The following PDE1A variants were observed in gnomAD, a reference collection of about 807,000 sequenced individuals.
PDE1A encodes dual specificity calcium/calmodulin-dependent 3',5'-cyclic nucleotide phosphodiesterase 1A.
PDE1A carries 35 observed loss-of-function variants against 61.7 expected under a neutral mutation model. That is an observed-to-expected ratio of 0.57 (90% CI 0.43 to 0.75). PDE1A has a LOEUF of 0.75. Ranked by LOEUF, PDE1A falls within the 30% of genes least tolerant of loss-of-function variation. The pLI is 0.00. For missense variants in PDE1A, 597 were observed against 630.6 expected (o/e 0.95, Z 0.57); for synonymous variants, 232 against 213.2 (o/e 1.09, Z -0.77).
intron 2 of PDE1A, among the ~76,000 whole-genome samples, chr2:182,259,238 T>C (rs888732532): frequency 6.6e-6 from 1 of 152,212 alleles, no homozygotes; most frequent in South Asian, 2.1e-4. Flanking sequence ...CTGATGTTTT[T>C]ACAGAGATAA....
chr2:182,529,426 A>C, the PDE1A span, among the ~76,000 whole-genome samples: 1 of 152,184 alleles, frequency 6.6e-6, no homozygotes, highest in South Asian at 2.1e-4. Context: ...TCATATCTAG[A>C]AAGTAACTAG....
chr2:182,453,799 A>G (rs972566908), intron 2 of PDE1A, among the ~76,000 whole-genome samples: 4 of 152,184 alleles, frequency 2.6e-5, no homozygotes, highest in Non-Finnish European at 2.9e-5. Flanking sequence ...TGAAAAACCC[A>G]CAGCCAATAT....
At chr2:182,168,347 G>A in intron 13 of PDE1A, 1 of 1,470,320 alleles carries the variant, frequency 6.8e-7, no homozygotes, top group Non-Finnish European at 9.2e-7. Context: ...CTGTAAAGAA[G>A]TTATGAAAAA....
the PDE1A span, among the ~76,000 whole-genome samples, chr2:182,532,545 A>C: frequency 6.6e-6 from 1 of 152,204 alleles, no homozygotes; most frequent in Non-Finnish European, 1.5e-5. Context: ...GATTAACTGT[A>C]AATGGACATA....
rs181453677 is a variant in PDE1A, at chr2:182,220,890, A to G, written c.776+2974T>C. Among the ~76,000 whole-genome samples the G allele has an allele frequency of 3.4e-3, 519 of 152,172 alleles. 2 individuals are homozygous for G. The highest frequency in any genetic ancestry group is 0.012 in the African/African-American group (504 of 41,528). The stretch of plus-strand genomic sequence containing the variant: ...GATGAAGGCAATATTGAGAGTTAAA[A>G]ATCATGTTATATTGTTGCATTTTGG... On this transcript the variant is annotated intron_variant, in intron 7 of 13. Coordinates refer to ENST00000351439, the Ensembl canonical transcript of PDE1A.
At chr2:182,527,382 A>G (rs1290649999), upstream of PDE1A, among the ~76,000 whole-genome samples, 1 of 130,022 alleles carries the variant, frequency 7.7e-6, no homozygotes, top group Non-Finnish European at 1.6e-5. Flanking sequence ...ATACACATAT[A>G]TATATACACA....
chr2:182,294,738 T>C (rs371620558), intron 1 of PDE1A, among the ~76,000 whole-genome samples: 2 of 152,250 alleles, frequency 1.3e-5, no homozygotes, highest in East Asian at 1.9e-4. Context: ...CTGGGACCAA[T>C]AGACTTTCTG....
the PDE1A span, among the ~76,000 whole-genome samples, chr2:182,657,180 G>A: frequency 2.0e-5 from 3 of 151,990 alleles, no homozygotes; most frequent in South Asian, 4.1e-4. Flanking sequence ...CCAAGGTCGC[G>A]CCACTGCACT....
chr2:182,201,568 C>T lies in PDE1A; in HGVS notation c.1005-9G>A. 1.9e-6 allele frequency: 3 copies of T among 1,610,804 alleles called. No homozygotes were observed. Among genetic ancestry groups the T allele is most frequent in the Middle Eastern group, 3.3e-4 (2 of 6,046 alleles). On this transcript the variant is annotated splice_polypyrimidine_tract_variant and intron_variant, in intron 9 of 13. Transcript: ENST00000351439. ...TTTTGGCTCTGTCAATCCTGTCAAACCAAGGACATGCTTATATTATTCAAA... is the reference window on the plus strand; with the variant it reads ...TTTTGGCTCTGTCAATCCTGTCAAATCAAGGACATGCTTATATTATTCAAA...
At chr2:182,501,881 TTA>T (rs1276837318) in intron 2 of PDE1A, among the ~76,000 whole-genome samples, 1 of 152,182 alleles carries the variant, frequency 6.6e-6, no homozygotes, top group Non-Finnish European at 1.5e-5. Flanking sequence ...TCCATCACAC[TTA>T]TGTTTTCTGG....
At chr2:182,260,599 G>A (rs531117973) in intron 2 of PDE1A, among the ~76,000 whole-genome samples, 1 of 152,232 alleles carries the variant, frequency 6.6e-6, no homozygotes, top group South Asian at 2.1e-4. Context: ...GTGGTATGAT[G>A]GTAAATGTTT....
At chr2:182,184,457 AT>A (rs1219441756) in intron 13 of PDE1A, among the ~76,000 whole-genome samples, 2 of 152,176 alleles carry the variant, frequency 1.3e-5, no homozygotes, top group African/African-American at 2.4e-5. Context: ...ATAAAAAAAA[AT>A]CATTCAACAA....
chr2:182,181,708 G>T (rs2125375430), intron 13 of PDE1A, among the ~76,000 whole-genome samples: 1 of 152,308 alleles, frequency 6.6e-6, no homozygotes, highest in Admixed American at 6.5e-5. Context: ...GTCCCAGGGA[G>T]TTGAGAGTCC....
Position 182,296,455 on chromosome 2 carries a change from A to G in PDE1A, c.54-32041T>C, listed in dbSNP as rs564904063. ...ACTACTGGGGAAATCCTACTCATAG[A>G]TAGATGATATAGATATACAGATATA... On this transcript the variant is annotated intron_variant, in intron 1 of 13. Transcript: ENST00000351439. Among the ~76,000 whole-genome samples, 4 of 152,330 alleles carry G rather than the reference A, an allele frequency of 2.6e-5. No individual in the cohort carries two copies. The East Asian group carries it at 7.7e-4, about 29-fold the overall frequency.
chr2:182,550,739 T>C, the PDE1A span, among the ~76,000 whole-genome samples: 1 of 152,114 alleles, frequency 6.6e-6, no homozygotes, highest in East Asian at 1.9e-4. Context: ...GTGTGTTTGG[T>C]GGGCAGCTAT....
At chr2:182,575,369 C>G in the PDE1A span, among the ~76,000 whole-genome samples, 1 of 151,948 alleles carries the variant, frequency 6.6e-6, no homozygotes, top group Non-Finnish European at 1.5e-5. Flanking sequence ...CACTATAACT[C>G]CCTTCTTAGC....
chr2:182,682,973 TTA>T, the PDE1A span, among the ~76,000 whole-genome samples: 1 of 152,198 alleles, frequency 6.6e-6, no homozygotes, highest in Non-Finnish European at 1.5e-5. Context: ...TGTGTGAGTT[TTA>T]TGTTTCTAAC....
chr2:182,695,228 A>C, the PDE1A span, among the ~76,000 whole-genome samples: 1 of 152,104 alleles, frequency 6.6e-6, no homozygotes, highest in Admixed American at 6.5e-5. Flanking sequence ...AAAATCAACA[A>C]CACTTCTTAA....
chr2:182,197,540 T>A (rs77444890), intron 10 of PDE1A, among the ~76,000 whole-genome samples: 5,168 of 151,858 alleles, frequency 0.034, 144 homozygotes, highest in South Asian at 0.093. Flanking sequence ...TTAGGTTTTG[T>A]CTTAAACTCC....
Sources: gnomAD v4.1 joint callset for allele counts (sites outside exome capture counted in the v4.1 genomes callset) on GRCh38, gnomAD v4.1.1 for gene constraint, MANE v1.5 for transcripts, NCBI Gene and HGNC (gene_info 2026-07-23, HGNC 2026-07-21) for gene names.